CIMIP2C: variants seen among roughly 807,000 people sequenced by gnomAD.
CIMIP2C encodes the protein UPF0573 protein C2orf70.
At chr2:26,568,449 G>A in the CIMIP2C span, among the ~76,000 whole-genome samples, 40 of 152,338 alleles carry the variant, frequency 2.6e-4, 1 homozygote, top group African/African-American at 8.4e-4. Context: ...GGTAACTGGT[G>A]CCTCTCTACC....
chr2:26,562,878 G>C, the CIMIP2C span, among the ~76,000 whole-genome samples: 1 of 152,220 alleles, frequency 6.6e-6, no homozygotes, highest in Admixed American at 6.5e-5. Flanking sequence ...ACGGGCGGGG[G>C]CCTCCCCAGA....
At chr2:26,565,053 CCTTCTT>C in the CIMIP2C span, among the ~76,000 whole-genome samples, 679 of 148,858 alleles carry the variant, frequency 4.6e-3, 1 homozygote, top group African/African-American at 0.016. Flanking sequence ...TTCTCCTTCT[CCTTCTT>C]CTTCCCCTTC....
chr2:26,562,779 T>C, the CIMIP2C span: 2 of 1,135,578 alleles, frequency 1.8e-6, no homozygotes. Context: ...ACTTTGGGGT[T>C]GAAGGAACCC....
the CIMIP2C span, chr2:26,578,041 T>TC: frequency 6.0e-6 from 1 of 167,818 alleles, no homozygotes; most frequent in African/African-American, 2.7e-5. Context: ...AGCAGGAATC[T>TC]CCCCCGGTCC....
At chr2:26,566,208 G>A in the CIMIP2C span, among the ~76,000 whole-genome samples, 3 of 152,198 alleles carry the variant, frequency 2.0e-5, no homozygotes, top group Non-Finnish European at 4.4e-5. Flanking sequence ...CCTGCCCAGC[G>A]GCTCTCACCA....
the CIMIP2C span, among the ~76,000 whole-genome samples, chr2:26,573,464 A>C: frequency 3.8e-4 from 55 of 143,722 alleles, no homozygotes; most frequent in Non-Finnish European, 6.9e-4. Flanking sequence ...TGAGAGAGAC[A>C]GGGAGGAGTC....
the CIMIP2C span, among the ~76,000 whole-genome samples, chr2:26,571,324 C>A: frequency 6.6e-6 from 1 of 152,202 alleles, no homozygotes; most frequent in African/African-American, 2.4e-5. Context: ...CCAGTGGACA[C>A]TTGTCATGGA....
the CIMIP2C span, among the ~76,000 whole-genome samples, chr2:26,575,633 A>G: frequency 2.6e-5 from 4 of 152,130 alleles, no homozygotes; most frequent in Non-Finnish European, 2.9e-5. Flanking sequence ...TCTTAGGGCC[A>G]AAGATGGCCA....
At chr2:26,565,583 G>A in the CIMIP2C span, among the ~76,000 whole-genome samples, 1 of 152,174 alleles carries the variant, frequency 6.6e-6, no homozygotes. Flanking sequence ...TCGACAGTAA[G>A]AGATGGACTC....
the CIMIP2C span, chr2:26,577,539 C>T: frequency 6.2e-7 from 1 of 1,613,994 alleles, no homozygotes; most frequent in Non-Finnish European, 8.5e-7. Context: ...ATCGGAAGTA[C>T]TATCAAGACA....
At chr2:26,576,930 A>G in the CIMIP2C span, among the ~76,000 whole-genome samples, 5 of 152,182 alleles carry the variant, frequency 3.3e-5, no homozygotes, top group Non-Finnish European at 7.4e-5. Context: ...TACTCTCTCC[A>G]TCACCTTCTC....
the CIMIP2C span, among the ~76,000 whole-genome samples, chr2:26,575,456 C>A: frequency 6.6e-6 from 1 of 152,238 alleles, no homozygotes; most frequent in African/African-American, 2.4e-5. Context: ...AGTGATTTGC[C>A]TACAGCATTG....
chr2:26,575,469 TG>T, the CIMIP2C span, among the ~76,000 whole-genome samples: 2 of 152,126 alleles, frequency 1.3e-5, no homozygotes, highest in Admixed American at 1.3e-4. Context: ...CAGCATTGAC[TG>T]GGGGGGTATC....
chr2:26,572,267 G>A, the CIMIP2C span: 1 of 1,027,370 alleles, frequency 9.7e-7, no homozygotes, highest in East Asian at 3.1e-5. Context: ...CATTCACCTA[G>A]TTGCTATTCC....
chr2:26,566,786 C>G, the CIMIP2C span, among the ~76,000 whole-genome samples: 1 of 152,196 alleles, frequency 6.6e-6, no homozygotes, highest in Non-Finnish European at 1.5e-5. Context: ...GTGGCACGAT[C>G]ACAGCTCACT....
the CIMIP2C span, among the ~76,000 whole-genome samples, chr2:26,564,252 A>G: frequency 1.3e-5 from 2 of 151,850 alleles, no homozygotes; most frequent in African/African-American, 2.4e-5. Flanking sequence ...CAGTTGGAAA[A>G]TTTTCTATTG....
At chr2:26,578,701 GGCTCT>G in the CIMIP2C span, 1 of 469,478 alleles carries the variant, frequency 2.1e-6, no homozygotes, top group Non-Finnish European at 4.4e-6. Flanking sequence ...CTCTTGAGAT[GGCTCT>G]GGCCAGGATC....
chr2:26,571,248 A>G, the CIMIP2C span, among the ~76,000 whole-genome samples: 4 of 152,148 alleles, frequency 2.6e-5, no homozygotes, highest in East Asian at 7.7e-4. Flanking sequence ...GGGCAACACC[A>G]TCGCCTGGGG....
chr2:26,567,851 T>C, the CIMIP2C span, among the ~76,000 whole-genome samples: 1 of 152,192 alleles, frequency 6.6e-6, no homozygotes, highest in African/African-American at 2.4e-5. Flanking sequence ...TGCAGGAGTT[T>C]CTAATCCTCC....
Sources: gnomAD v4.1 joint callset for allele counts (sites outside exome capture counted in the v4.1 genomes callset) on GRCh38, gnomAD v4.1.1 for gene constraint, MANE v1.5 for transcripts, NCBI Gene and HGNC (gene_info 2026-07-23, HGNC 2026-07-21) for gene names.